Variants in PRDM11 observed in about 807,000 individuals in gnomAD.
PRDM11 encodes the protein PR domain-containing protein 11.
In PRDM11, 20 loss-of-function variants were observed where a neutral mutation model predicts 97.8. The ratio of observed to expected loss-of-function variants is 0.20; its 90% CI spans 0.14 to 0.30. PRDM11 has a LOEUF of 0.30. PRDM11 is among the 10% of genes least tolerant of loss of function. The pLI, the probability that PRDM11 is intolerant of heterozygous loss-of-function variation, is 1.00. For synonymous variants in PRDM11, 599 were observed against 637.7 expected (o/e 0.94, Z 0.91); for missense variants, 1,139 against 1,555.2 (o/e 0.73, Z 4.50).
chr11:45,117,832 G>A (rs775252456), intron 1 of PRDM11, among the ~76,000 whole-genome samples: 10 of 152,186 alleles, frequency 6.6e-5, no homozygotes, highest in South Asian at 2.1e-4. Context: ...TCGTTCCGAC[G>A]AGTACAGTAT....
chr11:45,227,430 G>C lies in PRDM11; in HGVS notation c.2805G>C (p.Glu935Asp). The C allele has an allele frequency of 6.5e-7, 1 of 1,533,886 alleles. No individual in the cohort carries two copies. The highest frequency in any genetic ancestry group is 8.7e-7 in the Non-Finnish European group (1 of 1,146,736). The stretch of plus-strand genomic sequence containing the variant: ...GAGAATACCTGCAGGAGTTCGAGGA[G>C]AATTTCCGAGAGAGCTTCAACGGGA... Reference protein sequence around the residue: ...SPGEYLQEFEENFRESFNGIA... With the variant: ...SPGEYLQEFEDNFRESFNGIA... The change falls in exon 8 of 8, where the codon GAG becomes GAC. Residue 935 changes from glutamate (E) to aspartate (D), a missense_variant. Physicochemically the swap from Glu to Asp is conservative, Grantham distance 45. This residue lies in a region of PRDM11 where 710 missense variants were observed against 1,044.9 expected (regional missense o/e 0.68). Coordinates refer to ENST00000683152, the MANE Select transcript of PRDM11 (RefSeq NM_001384648.1). The surrounding 1 kb of genome is among the most constrained non-coding windows in gnomAD (Gnocchi z 8.0).
intron 1 of PRDM11, among the ~76,000 whole-genome samples, chr11:45,156,838 G>A (rs557054499): frequency 1.1e-4 from 16 of 152,178 alleles, no homozygotes; most frequent in African/African-American, 2.2e-4. Context: ...AGGGAGGAGC[G>A]GGGGTTTGCC....
chr11:45,142,100 A>G (rs1409060416), upstream of PRDM11, among the ~76,000 whole-genome samples: 3 of 152,146 alleles, frequency 2.0e-5, no homozygotes, highest in Admixed American at 2.0e-4. Context: ...ACTCACTGGG[A>G]CTCAGTAAAT....
intron 1 of PRDM11, among the ~76,000 whole-genome samples, chr11:45,113,829 GTTT>G (rs112384308): frequency 1.7e-4 from 21 of 124,140 alleles, no homozygotes; most frequent in African/African-American, 3.5e-4. Flanking sequence ...TGTGTGTTTT[GTTT>G]TTTTTTTTTT....
At chr11:45,144,673 T>A (rs1298908959), upstream of PRDM11, among the ~76,000 whole-genome samples, 1 of 152,210 alleles carries the variant, frequency 6.6e-6, no homozygotes, top group Non-Finnish European at 1.5e-5. Flanking sequence ...ACACCCTGGG[T>A]ACGTTGACGC....
intron 1 of PRDM11, among the ~76,000 whole-genome samples, chr11:45,178,622 G>A (rs1970184593): frequency 6.6e-6 from 1 of 152,236 alleles, no homozygotes; most frequent in African/African-American, 2.4e-5. Context: ...ACATCAGAGG[G>A]ACCAGTGAGA....
At chr11:45,200,016 G>T (rs1488593399) in intron 4 of PRDM11, among the ~76,000 whole-genome samples, 7 of 152,138 alleles carry the variant, frequency 4.6e-5, no homozygotes, top group African/African-American at 1.7e-4. Context: ...TCTGCGTCCC[G>T]CTAGGCTGTG....
chr11:45,142,468 C>A (rs763776131), upstream of PRDM11, among the ~76,000 whole-genome samples: 19 of 152,172 alleles, frequency 1.2e-4, no homozygotes, highest in Admixed American at 1.2e-3. Context: ...GAGATGCCTT[C>A]CCTGTCCTCA....
At chr11:45,143,465 G>T (rs563126107), upstream of PRDM11, among the ~76,000 whole-genome samples, 5 of 152,076 alleles carry the variant, frequency 3.3e-5, no homozygotes, top group Non-Finnish European at 7.3e-5. Flanking sequence ...TGCAAGAAGA[G>T]GTCATAATGT....
At chr11:45,121,167 C>A (rs1021168923) in intron 1 of PRDM11, among the ~76,000 whole-genome samples, 2 of 151,898 alleles carry the variant, frequency 1.3e-5, no homozygotes, top group African/African-American at 4.8e-5. Flanking sequence ...ATACTACCAA[C>A]TATATCAGCA....
chr11:45,146,794 C>CGA lies in PRDM11; in HGVS notation c.-88_-87dup, dbSNP rs1407301885. ...CGCTCCCTCCGCGGGGGCCGCCAGC[C>CGA]GAGGCCGCGCCGCCTCCGCCGAGCC... On this transcript the variant is annotated 5_prime_UTR_variant, in exon 1 of 8. Transcript: ENST00000683152. 6.9e-6 allele frequency: 1 copy of CGA among 144,604 alleles called. No individual in the cohort carries two copies. Among genetic ancestry groups the CGA allele is most frequent in the Non-Finnish European group, 1.5e-5 (1 of 64,798 alleles). The allele number at this position is 144,604 out of a possible 1,614,324, so 9.0% of individuals were successfully genotyped here. A position where few individuals can be genotyped will look rare whatever the true frequency, so the allele number is the denominator to read the frequency against.
chr11:45,198,077 G>C (rs1218967814), intron 4 of PRDM11, among the ~76,000 whole-genome samples: 1 of 152,160 alleles, frequency 6.6e-6, no homozygotes, highest in Non-Finnish European at 1.5e-5. Context: ...TTCCTTATCA[G>C]TTAAATTAGG....
chr11:45,154,521 G>A (rs1038165038), intron 1 of PRDM11, among the ~76,000 whole-genome samples: 5 of 152,264 alleles, frequency 3.3e-5, no homozygotes, highest in South Asian at 2.1e-4. Context: ...TAGGGGTGGG[G>A]GCAGATAGCT....
chr11:45,181,275 G>A (rs371188820), intron 1 of PRDM11, among the ~76,000 whole-genome samples: 12 of 152,332 alleles, frequency 7.9e-5, no homozygotes, highest in East Asian at 3.9e-4. Context: ...CTCTGAGCTG[G>A]CAAAGGGGCC....
At chr11:45,198,630 C>T (rs1407935316) in intron 4 of PRDM11, among the ~76,000 whole-genome samples, 3 of 152,218 alleles carry the variant, frequency 2.0e-5, no homozygotes, top group Admixed American at 6.5e-5. Flanking sequence ...GAATCTTCGA[C>T]TGGGGCAGAC....
At chr11:45,099,860 T>C (rs2135593923) in intron 1 of PRDM11, among the ~76,000 whole-genome samples, 1 of 152,334 alleles carries the variant, frequency 6.6e-6, no homozygotes, top group South Asian at 2.1e-4. Context: ...ACTTTACTTG[T>C]GAGCTCTTCA....
intron 4 of PRDM11, among the ~76,000 whole-genome samples, chr11:45,194,641 C>T (rs1047856378): frequency 7.7e-6 from 1 of 129,784 alleles, no homozygotes; most frequent in African/African-American, 2.9e-5. Context: ...CTCTGTCGCC[C>T]AGGCTGGAGT....
intron 1 of PRDM11, among the ~76,000 whole-genome samples, chr11:45,096,406 G>A (rs976720352): frequency 6.6e-6 from 1 of 152,164 alleles, no homozygotes; most frequent in African/African-American, 2.4e-5. Context: ...GGTACAAATT[G>A]TTACTCTCAT....
intron 1 of PRDM11, among the ~76,000 whole-genome samples, chr11:45,171,108 G>T (rs1852191899): frequency 6.7e-6 from 1 of 150,068 alleles, no homozygotes; most frequent in Admixed American, 6.7e-5. Flanking sequence ...TTGTTGTTTT[G>T]TTTTTTTTTG....
Sources: allele counts gnomAD v4.1 joint callset (sites outside exome capture counted in the v4.1 genomes callset), GRCh38; gene constraint gnomAD v4.1.1; regional missense constraint gnomAD v4.1.1; non-coding constraint Gnocchi (gnomAD v3.1); transcripts MANE v1.5; gene names NCBI Gene and HGNC (gene_info 2026-07-23, HGNC 2026-07-21).